Variants in EYA1 observed in about 807,000 individuals in gnomAD.
EYA1 encodes protein phosphatase EYA1.
Under a neutral mutation model 82.0 loss-of-function variants are expected in EYA1, and 16 were observed. The observed-to-expected ratio is 0.20, with a 90% CI of 0.13 to 0.30. The LOEUF (loss-of-function observed/expected upper bound fraction) is 0.30. Ranked by LOEUF, EYA1 falls within the 10% of genes least tolerant of loss-of-function variation. The pLI is 1.00. For synonymous variants in EYA1, 261 were observed against 264.4 expected (o/e 0.99, Z 0.12); for missense variants, 633 against 730.7 (o/e 0.87, Z 1.54).
intron 2 of EYA1, among the ~76,000 whole-genome samples, chr8:71,435,358 C>T (rs1302405572): frequency 1.3e-5 from 2 of 152,038 alleles, no homozygotes; most frequent in African/African-American, 4.8e-5. Context: ...TATAGTGATA[C>T]AGGGGTATCA....
chr8:71,436,374 T>G (rs757087933), intron 2 of EYA1, among the ~76,000 whole-genome samples: 5 of 152,172 alleles, frequency 3.3e-5, no homozygotes, highest in Non-Finnish European at 7.4e-5. Flanking sequence ...CTGATGTATA[T>G]ATGGTATACT....
intron 2 of EYA1, among the ~76,000 whole-genome samples, chr8:71,513,235 A>G (rs532841302): frequency 2.4e-4 from 37 of 152,326 alleles, no homozygotes; most frequent in Non-Finnish European, 4.3e-4. Flanking sequence ...GAAATAGTAC[A>G]GTATTTCATA....
At chr8:71,256,110 G>A (rs1489635079) in intron 11 of EYA1, among the ~76,000 whole-genome samples, 1 of 152,116 alleles carries the variant, frequency 6.6e-6, no homozygotes, top group Non-Finnish European at 1.5e-5. Flanking sequence ...ACAGCTGGTG[G>A]GAACATAAAA....
chr8:71,381,259 C>T (rs553390092), intron 2 of EYA1, among the ~76,000 whole-genome samples: 106 of 152,160 alleles, frequency 7.0e-4, no homozygotes, highest in African/African-American at 2.1e-3. Flanking sequence ...GTAACATCCT[C>T]GAGATATTTA....
chr8:71,380,334 G>T lies in EYA1; in HGVS notation c.34-23823C>A, dbSNP rs150255400. On this transcript the variant is annotated intron_variant, in intron 2 of 18. Transcript: ENST00000643681. ...TGAATGGGCAGTACTGAGGAGAATT[G>T]CCTCCTTGGGAACTCCACGTAGCTC... Among the ~76,000 whole-genome samples, 485 of 152,264 alleles carry T rather than the reference G, an allele frequency of 3.2e-3. 7 individuals are homozygous for T. The highest frequency in any genetic ancestry group is 0.011 in the African/African-American group (463 of 41,550).
At chr8:71,283,701 C>T (rs1818073935) in intron 9 of EYA1, among the ~76,000 whole-genome samples, 1 of 152,138 alleles carries the variant, frequency 6.6e-6, no homozygotes, top group Admixed American at 6.6e-5. Flanking sequence ...ATTTCTCTGA[C>T]AGGAGAACTC....
At chr8:71,523,986 T>C (rs1375611078) in intron 2 of EYA1, among the ~76,000 whole-genome samples, 2 of 152,216 alleles carry the variant, frequency 1.3e-5, no homozygotes, top group Non-Finnish European at 2.9e-5. Context: ...CCCAAGTAAT[T>C]TGGAAGCTGA....
intron 2 of EYA1, among the ~76,000 whole-genome samples, chr8:71,518,439 G>A (rs142636550): frequency 6.8e-4 from 104 of 152,186 alleles, no homozygotes; most frequent in African/African-American, 2.4e-3. Flanking sequence ...ACTTGAAGAC[G>A]ATGTAAAGGT....
intron 2 of EYA1, among the ~76,000 whole-genome samples, chr8:71,376,465 G>A (rs1339094951): frequency 6.6e-6 from 1 of 152,184 alleles, no homozygotes; most frequent in Non-Finnish European, 1.5e-5. Context: ...TGATTTATGT[G>A]TAAGGAAGGC....
intron 4 of EYA1, among the ~76,000 whole-genome samples, chr8:71,327,850 GTTCT>G (rs1449323994): frequency 7.0e-5 from 9 of 128,324 alleles, no homozygotes; most frequent in Non-Finnish European, 9.7e-5. Flanking sequence ...GAATCTTTAA[GTTCT>G]TTTTTTTTTT....
intron 2 of EYA1, chr8:71,535,692 T>A: frequency 5.3e-6 from 7 of 1,315,830 alleles, no homozygotes; most frequent in Non-Finnish European, 7.3e-6. Context: ...AATGCCATGA[T>A]GATTTTAAAA....
chr8:71,485,832 TTC>T (rs1384166489), intron 2 of EYA1, among the ~76,000 whole-genome samples: 37 of 152,198 alleles, frequency 2.4e-4, no homozygotes, highest in African/African-American at 8.7e-4. Flanking sequence ...GTCCAAGTCA[TTC>T]TAAAGGCTCC....
intron 2 of EYA1, among the ~76,000 whole-genome samples, chr8:71,394,170 C>A (rs1829447821): frequency 6.6e-6 from 1 of 152,016 alleles, no homozygotes; most frequent in Non-Finnish European, 1.5e-5. Flanking sequence ...TGTTTAAGTT[C>A]TTTGTAGATT....
At chr8:71,270,076 T>G (rs1816333751) in intron 10 of EYA1, 1 of 388,852 alleles carries the variant, frequency 2.6e-6, no homozygotes, top group Admixed American at 3.9e-5. Flanking sequence ...ATCTATGTCC[T>G]TTCTAATTCT....
intron 2 of EYA1, among the ~76,000 whole-genome samples, chr8:71,430,937 A>G (rs904087569): frequency 1.3e-5 from 2 of 151,970 alleles, no homozygotes; most frequent in Admixed American, 6.6e-5. Context: ...GCCTAAGAAC[A>G]TGGAACAAGA....
At chr8:71,299,773 G>C (rs181823138) in intron 7 of EYA1, 53 bp from the exon 8 acceptor site, 221 of 961,478 alleles carry the variant, frequency 2.3e-4, no homozygotes, top group Non-Finnish European at 6.4e-5. Context: ...GAATAATGTG[G>C]GTACAGGAAA....
chr8:71,452,505 T>A (rs1807472952), intron 2 of EYA1, among the ~76,000 whole-genome samples: 1 of 152,154 alleles, frequency 6.6e-6, no homozygotes, highest in African/African-American at 2.4e-5. Context: ...GTACCCTAAC[T>A]GGGAGGCACC....
intron 17 of EYA1, among the ~76,000 whole-genome samples, chr8:71,204,805 CTTA>C (rs1807537403): frequency 6.6e-6 from 1 of 152,166 alleles, no homozygotes; most frequent in African/African-American, 2.4e-5. Context: ...CAAGGGAGAA[CTTA>C]TTATGAAACT....
At chr8:71,224,830 C>T (rs369612758) in intron 12 of EYA1, among the ~76,000 whole-genome samples, 7 of 152,212 alleles carry the variant, frequency 4.6e-5, no homozygotes, top group Middle Eastern at 6.8e-3. Flanking sequence ...GGTGGTTTTT[C>T]GAAATAACTC....
Sources: allele counts gnomAD v4.1 joint callset (sites outside exome capture counted in the v4.1 genomes callset), GRCh38; gene constraint gnomAD v4.1.1; transcripts MANE v1.5; gene names NCBI Gene and HGNC (gene_info 2026-07-23, HGNC 2026-07-21).